The following RCN1 variants were observed in gnomAD, a reference collection of about 807,000 sequenced individuals.
RCN1 encodes reticulocalbin 1.
Under a neutral mutation model 34.7 loss-of-function variants are expected in RCN1, and 14 were observed. The observed-to-expected ratio is 0.40, with a 90% CI of 0.27 to 0.63. The LOEUF is 0.63. Ranked by LOEUF, RCN1 falls within the 30% of genes least tolerant of loss-of-function variation. RCN1 has a pLI of 0.37. For synonymous variants in RCN1, 125 were observed against 165.5 expected (o/e 0.76, Z 1.88); for missense variants, 326 against 425.1 (o/e 0.77, Z 2.05).
chr11:32,097,396 G>C, intron 2 of RCN1, 59 bp downstream of exon 2: 1 of 1,260,682 alleles, frequency 7.9e-7, no homozygotes, highest in Non-Finnish European at 1.1e-6. Context: ...GCTTTTTGTA[G>C]ACTCTCTCTT....
Position 32,104,599 on chromosome 11 carries a change from T to C in RCN1, c.*127T>C, listed in dbSNP as rs570395341. The C allele has an allele frequency of 4.2e-5, 25 of 591,460 alleles. No homozygotes were observed. In the Admixed American group the frequency reaches 5.8e-4, roughly 14 times the overall value. The allele number at this position is 591,460 out of a possible 1,614,324, so 36.6% of individuals were successfully genotyped here. A position where few individuals can be genotyped will look rare whatever the true frequency, so the allele number is the denominator to read the frequency against. On this transcript the variant is annotated 3_prime_UTR_variant, in exon 6 of 6. Coordinates refer to ENST00000054950, the MANE Select transcript of RCN1 (RefSeq NM_002901.4). Reference sequence around the variant, plus strand: ...AGCAAGTTTATACCTCAGATTGGGGTATAAAAATTGTTTTTCGCTCAGTAT... The same window carrying C: ...AGCAAGTTTATACCTCAGATTGGGGCATAAAAATTGTTTTTCGCTCAGTAT...
intron 3 of RCN1, 51 bp from the exon 4 acceptor site, chr11:32,100,497 T>C (rs1416619380): frequency 2.8e-6 from 4 of 1,448,426 alleles, no homozygotes; most frequent in Non-Finnish European, 3.9e-6. Flanking sequence ...ATTCTCAGAC[T>C]TCTTAGAGCA....
In RCN1 at chr11:32,100,587, G is replaced by A. The variant is rs1427318378; in HGVS notation, c.667G>A (p.Val223Met). The A allele has an allele frequency of 6.2e-7, 1 of 1,614,158 alleles. No individual in the cohort carries two copies. Among genetic ancestry groups the A allele is most frequent in the Non-Finnish European group, 8.5e-7 (1 of 1,179,998 alleles). ...CATCGACAAGAACGGGGATGGGTTT[G>A]TGGATCAGGATGAGTATATTGGTGA... Reference protein sequence around the residue: ...EDIDKNGDGFVDQDEYIADMF... With the variant: ...EDIDKNGDGFMDQDEYIADMF... The change falls in exon 4 of 6, where the codon GTG becomes ATG. Residue 223 changes from valine (V) to methionine (M), a missense_variant. Transcript: ENST00000054950.
At chr11:32,093,633 C>T (rs1466887380) in intron 1 of RCN1, among the ~76,000 whole-genome samples, 3 of 151,552 alleles carry the variant, frequency 2.0e-5, no homozygotes, top group South Asian at 2.1e-4. Flanking sequence ...CGTTCTGGGG[C>T]ATGAGGGGTG....
intron 5 of RCN1, among the ~76,000 whole-genome samples, chr11:32,103,793 CTTA>C (rs1031842585): frequency 6.6e-6 from 1 of 152,190 alleles, no homozygotes; most frequent in Admixed American, 6.5e-5. Context: ...CTAGGATCAG[CTTA>C]TTTATCCATT....
chr11:32,097,384 A>T (rs1264895384), intron 2 of RCN1, 47 bp downstream of exon 2: 1 of 1,365,090 alleles, frequency 7.3e-7, no homozygotes, highest in East Asian at 2.5e-5. Flanking sequence ...CCCAGATCAC[A>T]AGCTTTTTGT....
chr11:32,092,359 G>A (rs1156440877), intron 1 of RCN1, among the ~76,000 whole-genome samples: 2 of 151,882 alleles, frequency 1.3e-5, no homozygotes, highest in Non-Finnish European at 2.9e-5. Context: ...ACAAAAATCC[G>A]GTTGAAAAGG....
chr11:32,101,764 T>G (rs1852046199), intron 4 of RCN1, among the ~76,000 whole-genome samples: 1 of 152,192 alleles, frequency 6.6e-6, no homozygotes, highest in Non-Finnish European at 1.5e-5. Context: ...CAGTTGAGCC[T>G]TCCTCTTGCT....
At chr11:32,100,363 G>A (rs1343687452) in intron 3 of RCN1, among the ~76,000 whole-genome samples, 185 bp from the exon 4 acceptor site, 2 of 152,176 alleles carry the variant, frequency 1.3e-5, no homozygotes, top group African/African-American at 4.8e-5. Context: ...TGGGGTGGGG[G>A]ATTAGGAACA....
intron 4 of RCN1, among the ~76,000 whole-genome samples, chr11:32,101,415 T>C (rs1852039949): frequency 6.6e-6 from 1 of 152,218 alleles, no homozygotes; most frequent in Admixed American, 6.5e-5. Flanking sequence ...GTTTAGGTGT[T>C]GACCTATGAA....
intron 2 of RCN1, among the ~76,000 whole-genome samples, chr11:32,097,970 C>T (rs1015114217): frequency 6.6e-6 from 1 of 152,156 alleles, no homozygotes; most frequent in African/African-American, 2.4e-5. Context: ...CGGCCAGAAT[C>T]GGGGAGATCT....
Position 32,091,287 on chromosome 11 carries a change from C to A in RCN1, c.91C>A (p.Pro31Thr). 6.5e-7 allele frequency: 1 copy of A among 1,544,086 alleles called. No individual in the cohort carries two copies. The highest frequency in any genetic ancestry group is 8.7e-7 in the Non-Finnish European group (1 of 1,144,568). The change falls in exon 1 of 6, where the codon CCC (proline) becomes ACC (threonine). Residue 31 changes from proline (P) to threonine (T), a missense_variant. Transcript: ENST00000054950. ...GGCGCCGCGGGTTCTGCGGGCCAAG[C>A]CCACGGTGCGCAAAGAGCGCGTGGT... is the stretch of plus-strand genomic sequence containing the variant. ...VLAPRVLRAKPTVRKERVVRP... is the reference protein window; with the variant it reads ...VLAPRVLRAKTTVRKERVVRP...
intron 2 of RCN1, 115 bp from the exon 3 acceptor site, chr11:32,098,235 C>G (rs1215155961): frequency 1.2e-6 from 1 of 854,600 alleles, no homozygotes; most frequent in Non-Finnish European, 1.8e-6. Flanking sequence ...CTCAGTAGGT[C>G]GGGACCTTTT....
At position 32,104,607 on chromosome 11, in the gene RCN1, T is replaced by C; in HGVS notation, c.*135T>C. ...TATACCTCAGATTGGGGTATAAAAATTGTTTTTCGCTCAGTATTTACTGGA... is the reference window on the plus strand; with the variant it reads ...TATACCTCAGATTGGGGTATAAAAACTGTTTTTCGCTCAGTATTTACTGGA... On this transcript the variant is annotated 3_prime_UTR_variant, in exon 6 of 6. Coordinates refer to ENST00000054950, the MANE Select transcript of RCN1 (RefSeq NM_002901.4). The C allele has an allele frequency of 1.7e-6, 1 of 581,910 alleles. No homozygotes were observed. Among genetic ancestry groups the C allele is most frequent in the Non-Finnish European group, 3.1e-6 (1 of 327,158 alleles). 36.0% of individuals were successfully genotyped at this position (581,910 alleles called of 1,614,324 possible).
intron 4 of RCN1, chr11:32,101,906 C>T (rs1233079101): frequency 6.6e-6 from 1 of 152,218 alleles, no homozygotes; most frequent in Non-Finnish European, 1.5e-5. Flanking sequence ...AGTGTGCGCT[C>T]TGCCCAGCCC....
At position 32,091,468 on chromosome 11, in the gene RCN1, G is replaced by A. The variant is rs1565349108; in HGVS notation, c.254+18G>A. On this transcript the variant is annotated intron_variant, in intron 1 of 5. Coordinates refer to ENST00000054950, the MANE Select transcript of RCN1 (RefSeq NM_002901.4). Reference sequence around the variant, plus strand: ...AGGCTAGGGTGAGGCCGCGGCCAGGGCCCCGTGGGGGGCGGCGCAGGTGTC... The same window carrying A: ...AGGCTAGGGTGAGGCCGCGGCCAGGACCCCGTGGGGGGCGGCGCAGGTGTC... The A allele has an allele frequency of 6.5e-7, 1 of 1,538,434 alleles. No homozygotes were observed. The highest frequency in any genetic ancestry group is 8.8e-7 in the Non-Finnish European group (1 of 1,141,872).
rs181762587 is a variant in RCN1, at chr11:32,094,162, A to G, written c.254+2712A>G. Among the ~76,000 whole-genome samples, 1,150 of 152,228 alleles carry G rather than the reference A, an allele frequency of 7.6e-3. 21 individuals are homozygous for G. Among genetic ancestry groups the G allele is most frequent in the Admixed American group, 0.037 (571 of 15,292 alleles). ...CCCCTCTGTCCAAAGCTTCTGTTTC[A>G]GTGGTCCCCTCCAAGATTGGGCTGA... On this transcript the variant is annotated intron_variant, in intron 1 of 5. Coordinates refer to ENST00000054950, the MANE Select transcript of RCN1 (RefSeq NM_002901.4).
chr11:32,104,296 A>G, intron 5 of RCN1, 69 bp from the exon 6 acceptor site: 5 of 915,342 alleles, frequency 5.5e-6, no homozygotes, highest in Non-Finnish European at 7.2e-6. Flanking sequence ...GTGAAATGAC[A>G]TGAACATCAT....
In RCN1 at chr11:32,091,326, G is replaced by C. The variant is rs1376142436; in HGVS notation, c.130G>C (p.Glu44Gln). Reference sequence around the variant, plus strand: ...AGAGCGCGTGGTGCGGCCCGACTCGGAGCTGGGCGAGCGGCCCCCTGAGGA... The same window carrying C: ...AGAGCGCGTGGTGCGGCCCGACTCGCAGCTGGGCGAGCGGCCCCCTGAGGA... ...RKERVVRPDSELGERPPEDNQ... is the reference protein window; with the variant it reads ...RKERVVRPDSQLGERPPEDNQ... The change falls in exon 1 of 6, where the codon GAG (glutamate) becomes CAG (glutamine). Residue 44 changes from glutamate to glutamine, a missense_variant. By Grantham distance (29) the Glu-to-Gln change is conservative. Transcript: ENST00000054950. The C allele has an allele frequency of 2.6e-6, 4 of 1,547,942 alleles. No homozygotes were observed. The highest frequency in any genetic ancestry group is 2.0e-4 in the Middle Eastern group (1 of 4,880).
Sources: allele counts gnomAD v4.1 joint callset (sites outside exome capture counted in the v4.1 genomes callset), GRCh38; gene constraint gnomAD v4.1.1; transcripts MANE v1.5; gene names NCBI Gene and HGNC (gene_info 2026-07-23, HGNC 2026-07-21).